TENM4: variants seen among roughly 807,000 people sequenced by gnomAD.
The protein encoded by TENM4 is teneurin-4.
Under a neutral mutation model 243.3 loss-of-function variants are expected in TENM4, and 82 were observed. The ratio of observed to expected loss-of-function variants is 0.34; its 90% confidence interval spans 0.28 to 0.40. The LOEUF (loss-of-function observed/expected upper bound fraction) is 0.40. Ranked by LOEUF, TENM4 falls within the 10% of genes least tolerant of loss-of-function variation. The pLI is 1.00. For missense variants in TENM4, 3,138 were observed against 3,673.3 expected (o/e 0.85, Z 3.77); for synonymous variants, 1,412 against 1,456.3 (o/e 0.97, Z 0.69).
intron 3 of TENM4, among the ~76,000 whole-genome samples, chr11:79,164,496 G>A (rs1454943571): frequency 2.5e-5 from 3 of 120,482 alleles, no homozygotes; most frequent in East Asian, 1.0e-3. Context: ...TACATATAGT[G>A]TATATATATA....
At chr11:79,362,736 G>T (rs949823678) in intron 1 of TENM4, among the ~76,000 whole-genome samples, 3 of 152,236 alleles carry the variant, frequency 2.0e-5, no homozygotes, top group South Asian at 4.1e-4. Context: ...CCCTGGGTAA[G>T]TCTCTCAACC....
rs34804783 is a variant in TENM4 at position 79,045,723 on chromosome 11, CTT to C, written c.493+19013_493+19014del. On this transcript the variant is annotated intron_variant, in intron 6 of 33. Coordinates refer to ENST00000278550, the MANE Select transcript of TENM4 (RefSeq NM_001098816.3). Reference sequence around the variant, plus strand: ...TTAACAACCACTAACTGGATGACGCCTTTTTTTTTTTTTTAAATTAGAAAAAG... The same window carrying C: ...TTAACAACCACTAACTGGATGACGCCTTTTTTTTTTTTAAATTAGAAAAAG... Among the ~76,000 whole-genome samples the C allele has an allele frequency of 4.4e-3, 639 of 146,074 alleles. 1 individual carries two copies. Among genetic ancestry groups the C allele is most frequent in the East Asian group, 0.011 (54 of 5,014 alleles).
chr11:78,934,582 A>G (rs1259339374), intron 6 of TENM4, among the ~76,000 whole-genome samples: 1 of 152,206 alleles, frequency 6.6e-6, no homozygotes, highest in Admixed American at 6.5e-5. Flanking sequence ...AGGAGTGCTT[A>G]TGTACATCAC....
chr11:78,763,002 C>T (rs1308540997), intron 18 of TENM4, among the ~76,000 whole-genome samples: 2 of 152,044 alleles, frequency 1.3e-5, no homozygotes, highest in African/African-American at 4.8e-5. Context: ...TTATAGTTTC[C>T]AAATACTTCA....
chr11:78,949,211 C>T (rs1857066824), intron 6 of TENM4, among the ~76,000 whole-genome samples: 1 of 152,194 alleles, frequency 6.6e-6, no homozygotes, highest in Non-Finnish European at 1.5e-5. Context: ...CACATGGATG[C>T]CAAACTCAAT....
At chr11:79,046,482 C>T (rs1859663791) in intron 6 of TENM4, among the ~76,000 whole-genome samples, 1 of 152,122 alleles carries the variant, frequency 6.6e-6, no homozygotes, top group Non-Finnish European at 1.5e-5. Context: ...AGTGCTGACC[C>T]CTAGAACTTC....
At chr11:79,299,022 C>T (rs940827224) in intron 1 of TENM4, among the ~76,000 whole-genome samples, 2 of 152,018 alleles carry the variant, frequency 1.3e-5, no homozygotes, top group South Asian at 2.1e-4. Context: ...TAAAACCATT[C>T]GGACAATATC....
intron 18 of TENM4, among the ~76,000 whole-genome samples, chr11:78,762,582 T>G (rs1232506688): frequency 6.6e-6 from 1 of 152,170 alleles, no homozygotes; most frequent in Non-Finnish European, 1.5e-5. Flanking sequence ...TACCTTCCTG[T>G]GGTGATGCTT....
At chr11:79,025,701 G>C (rs1212472522) in intron 6 of TENM4, among the ~76,000 whole-genome samples, 5 of 152,318 alleles carry the variant, frequency 3.3e-5, no homozygotes, top group Non-Finnish European at 7.3e-5. Flanking sequence ...GTGGGCATTT[G>C]CTCTTTACGG....
intron 4 of TENM4, among the ~76,000 whole-genome samples, chr11:79,078,277 CTTT>C (rs1860581908): frequency 1.3e-5 from 2 of 152,196 alleles, no homozygotes; most frequent in South Asian, 4.2e-4. Context: ...ATTTTTAGTT[CTTT>C]GTGTGTCAAA....
chr11:78,747,444 G>A (rs1000452925), intron 19 of TENM4, among the ~76,000 whole-genome samples: 14 of 152,228 alleles, frequency 9.2e-5, no homozygotes, highest in Non-Finnish European at 1.3e-4. Flanking sequence ...AGGATGTGAG[G>A]TTGAGCAGCT....
chr11:78,889,711 T>C (rs1855619829), intron 9 of TENM4, 74 bp downstream of exon 9: 2 of 1,455,308 alleles, frequency 1.4e-6, no homozygotes, highest in Non-Finnish European at 1.9e-6. Context: ...GAGCCTTCAG[T>C]GCCCACACGT....
chr11:79,131,301 G>C (rs1182729658), intron 4 of TENM4, among the ~76,000 whole-genome samples: 2 of 152,234 alleles, frequency 1.3e-5, no homozygotes, highest in Non-Finnish European at 2.9e-5. Context: ...AACCTATAAG[G>C]GAAAATCTAT....
chr11:79,177,292 T>A (rs1444368733), intron 3 of TENM4, among the ~76,000 whole-genome samples: 1 of 152,122 alleles, frequency 6.6e-6, no homozygotes, highest in African/African-American at 2.4e-5. Flanking sequence ...ATCCTTACTT[T>A]AGTGCTCCTC....
chr11:78,903,302 A>G lies in TENM4; in HGVS notation c.715T>C (p.Trp239Arg). ...AQEPAHAQEN[W>R]LLNSNIPLET... ...AGGGGGATGTTGCTGTTGAGCAGCCAGTTCTCCTGGGCGTGGGCAGGCTCC... is the reference window on the plus strand; with the variant it reads ...AGGGGGATGTTGCTGTTGAGCAGCCGGTTCTCCTGGGCGTGGGCAGGCTCC... Residue 239 changes from tryptophan to arginine, a missense_variant, in exon 7 of 34, where the codon TGG becomes CGG. Coordinates refer to ENST00000278550, the MANE Select transcript of TENM4 (RefSeq NM_001098816.3). The G allele has an allele frequency of 6.7e-7, 1 of 1,486,956 alleles. No homozygotes were observed. The highest frequency in any genetic ancestry group is 8.9e-7 in the Non-Finnish European group (1 of 1,121,404). 92.1% of individuals were successfully genotyped at this position (1,486,956 alleles called of 1,614,324 possible).
intron 6 of TENM4, among the ~76,000 whole-genome samples, chr11:79,022,001 A>G (rs964806701): frequency 3.3e-5 from 5 of 151,654 alleles, no homozygotes; most frequent in African/African-American, 1.2e-4. Flanking sequence ...ATTTGGCTCA[A>G]TCGTGCTGTC....
chr11:79,297,147 G>A (rs554949975), intron 2 of TENM4, among the ~76,000 whole-genome samples: 2 of 152,324 alleles, frequency 1.3e-5, no homozygotes, highest in South Asian at 4.2e-4. Flanking sequence ...TCTATTGAAG[G>A]GAGAGTGAGT....
rs112336014 is a variant in TENM4, at chr11:79,401,444, A to C, written c.-321+39065T>G. ...CAAAGGAATAAACAATAATTCCCAG[A>C]AAAGGTGACACTCAAATGGAGACCT... On this transcript the variant is annotated intron_variant, in intron 1 of 33. Transcript: ENST00000278550. Among the ~76,000 whole-genome samples, 222 of 152,366 alleles carry C rather than the reference A, an allele frequency of 1.5e-3. 2 individuals carry two copies. The highest frequency in any genetic ancestry group is 5.0e-3 in the African/African-American group (209 of 41,592).
At chr11:79,371,341 C>T (rs1857782553) in intron 1 of TENM4, among the ~76,000 whole-genome samples, 1 of 152,162 alleles carries the variant, frequency 6.6e-6, no homozygotes, top group South Asian at 2.1e-4. Flanking sequence ...GTGATGCCTA[C>T]TGCAGCTGGA....
Sources: gnomAD v4.1 joint callset for allele counts (sites outside exome capture counted in the v4.1 genomes callset) on GRCh38, gnomAD v4.1.1 for gene constraint, MANE v1.5 for transcripts, NCBI Gene and HGNC (gene_info 2026-07-23, HGNC 2026-07-21) for gene names.